Variants in SLC2A9 observed in about 807,000 individuals in gnomAD.
The protein encoded by SLC2A9 is solute carrier family 2 member 9.
Under a neutral mutation model 50.6 loss-of-function variants are expected in SLC2A9, and 39 were observed. That is an observed-to-expected ratio of 0.77 (90% CI 0.60 to 1.01). SLC2A9 has a LOEUF of 1.01. Among genes scored for constraint, SLC2A9 ranks in the 50% least tolerant of loss-of-function variants. The pLI, the probability that SLC2A9 is intolerant of heterozygous loss-of-function variation, is 0.00. For synonymous variants in SLC2A9, 324 were observed against 276.9 expected (o/e 1.17, Z -1.69); for missense variants, 686 against 677.6 (o/e 1.01, Z -0.14).
At chr4:9,785,398 C>A (rs534165911) in intron 3 of SLC2A9, among the ~76,000 whole-genome samples, 1 of 152,248 alleles carries the variant, frequency 6.6e-6, no homozygotes, top group Non-Finnish European at 1.5e-5. Flanking sequence ...GGAGAAGATT[C>A]TGTATCATTT....
chr4:9,927,136 T>C (rs936320689), intron 6 of SLC2A9, among the ~76,000 whole-genome samples: 1 of 151,992 alleles, frequency 6.6e-6, no homozygotes. Context: ...TTCAAGTGAT[T>C]CTTCTGCCTC....
At chr4:9,855,101 C>A (rs1338201087) in intron 10 of SLC2A9, among the ~76,000 whole-genome samples, 1 of 152,086 alleles carries the variant, frequency 6.6e-6, no homozygotes, top group Non-Finnish European at 1.5e-5. Flanking sequence ...TACTGGAAGT[C>A]CCAACTGGAA....
chr4:9,869,475 C>A (rs1733046877), intron 10 of SLC2A9, among the ~76,000 whole-genome samples: 1 of 152,166 alleles, frequency 6.6e-6, no homozygotes, highest in South Asian at 2.1e-4. Context: ...TCCTGTGCTC[C>A]TCCTTCCTCT....
At chr4:9,904,478 T>C (rs548762012) in intron 8 of SLC2A9, among the ~76,000 whole-genome samples, 3 of 152,294 alleles carry the variant, frequency 2.0e-5, no homozygotes, top group Non-Finnish European at 2.9e-5. Flanking sequence ...TGTGATAATA[T>C]TGGGCTCACC....
chr4:9,997,656 C>T (rs968004086), intron 2 of SLC2A9, among the ~76,000 whole-genome samples: 16 of 151,850 alleles, frequency 1.1e-4, no homozygotes, highest in African/African-American at 2.4e-4. Flanking sequence ...GCCAAGATTG[C>T]GCCATTGCAC....
intron 3 of SLC2A9, among the ~76,000 whole-genome samples, chr4:9,988,064 C>T (rs115814517): frequency 3.4e-3 from 512 of 152,372 alleles, no homozygotes; most frequent in African/African-American, 0.012. Context: ...AAGATCACTA[C>T]ATCTTGTCTT....
At chr4:9,785,868 A>G (rs1032092929) in intron 3 of SLC2A9, among the ~76,000 whole-genome samples, 1 of 152,170 alleles carries the variant, frequency 6.6e-6, no homozygotes, top group African/African-American at 2.4e-5. Flanking sequence ...GGTAATTGCT[A>G]TGTTGCAAAA....
intron 8 of SLC2A9, among the ~76,000 whole-genome samples, chr4:9,898,996 C>T (rs1373630840): frequency 4.9e-5 from 7 of 141,420 alleles, no homozygotes; most frequent in Non-Finnish European, 1.1e-4. Flanking sequence ...CTCCCTCCCT[C>T]CCCCTCTCTC....
rs762840334 is a variant in SLC2A9 at position 9,996,756 on chromosome 4, C to G, written c.410+25G>C. 1.9e-6 allele frequency: 3 copies of G among 1,612,124 alleles called. No homozygotes were observed. In the South Asian group the frequency reaches 3.3e-5, roughly 18 times the overall value. ...ATATTATGAACATGGAGGGCACCCCCAGATAGAGACAGCCTCCTACTGACC... is the reference window on the plus strand; with the variant it reads ...ATATTATGAACATGGAGGGCACCCCGAGATAGAGACAGCCTCCTACTGACC... On this transcript the variant is annotated intron_variant, in intron 3 of 11. Coordinates refer to ENST00000264784, the MANE Select transcript of SLC2A9 (RefSeq NM_020041.3).
At chr4:9,958,464 A>G (rs1256187809) in intron 5 of SLC2A9, among the ~76,000 whole-genome samples, 2 of 152,154 alleles carry the variant, frequency 1.3e-5, no homozygotes, top group Non-Finnish European at 2.9e-5. Flanking sequence ...GGACACAGGG[A>G]GGGGAACATC....
intron 3 of SLC2A9, among the ~76,000 whole-genome samples, chr4:9,793,550 T>A (rs375526781): frequency 7.9e-5 from 12 of 152,236 alleles, no homozygotes; most frequent in Admixed American, 3.9e-4. Context: ...TATTTGTGGA[T>A]TAAATACAGA....
At chr4:9,818,923 C>T (rs1348148507) in intron 3 of SLC2A9, among the ~76,000 whole-genome samples, 2 of 151,700 alleles carry the variant, frequency 1.3e-5, no homozygotes, top group East Asian at 3.9e-4. Flanking sequence ...GAGATCGAGA[C>T]CATCCTGGCT....
intron 5 of SLC2A9, among the ~76,000 whole-genome samples, chr4:9,966,684 A>C (rs1477098209): frequency 1.3e-5 from 2 of 152,212 alleles, no homozygotes; most frequent in Non-Finnish European, 2.9e-5. Flanking sequence ...AAACAATCCA[A>C]ATGTCCAGGA....
intron 6 of SLC2A9, among the ~76,000 whole-genome samples, chr4:9,921,409 C>T (rs1239526526): frequency 6.6e-6 from 1 of 152,158 alleles, no homozygotes; most frequent in Non-Finnish European, 1.5e-5. Context: ...TCATGGGGTG[C>T]ACTTTTGGAC....
intron 10 of SLC2A9, among the ~76,000 whole-genome samples, chr4:9,850,251 C>T (rs4697899): frequency 6.6e-6 from 1 of 152,042 alleles, no homozygotes; most frequent in Non-Finnish European, 1.5e-5. Flanking sequence ...TACCCCACAA[C>T]CCCCACAGAC....
In SLC2A9 at chr4:9,832,000, C is replaced by T. The variant is rs764438147; in HGVS notation, c.1419+2881G>A. Among the ~76,000 whole-genome samples, 5 of 152,188 alleles carry T rather than the reference C, an allele frequency of 3.3e-5. No individual in the cohort carries two copies. The East Asian group carries it at 7.7e-4, about 23-fold the overall frequency. On this transcript the variant is annotated intron_variant, in intron 11 of 11. Coordinates refer to ENST00000264784, the MANE Select transcript of SLC2A9 (RefSeq NM_020041.3). ...GAGAGGGGCCTCAGAAGAAATCAAC[C>T]GTGCTAAGCCCTTGAGCTCAGACTT... is the stretch of plus-strand genomic sequence containing the variant.
At chr4:9,899,334 A>T (rs1340833531) in intron 8 of SLC2A9, among the ~76,000 whole-genome samples, 1 of 152,270 alleles carries the variant, frequency 6.6e-6, no homozygotes, top group Non-Finnish European at 1.5e-5. Flanking sequence ...TCACTGACGC[A>T]GCTCCCTCTG....
chr4:9,856,329 G>A (rs373276330), intron 10 of SLC2A9, among the ~76,000 whole-genome samples: 124 of 152,254 alleles, frequency 8.1e-4, no homozygotes, highest in African/African-American at 2.7e-3. Flanking sequence ...CTTTTTAAAA[G>A]AAGACATACA....
chr4:9,886,424 CTGTGTGTGTGTGTGTGTGTGTGTGTG>C (rs59081583), intron 10 of SLC2A9, among the ~76,000 whole-genome samples: 6 of 135,584 alleles, frequency 4.4e-5, no homozygotes, highest in African/African-American at 8.1e-5. Flanking sequence ...CCTCATAGCA[CTGTGTGTGTGTGTGTGTGTGTGTGTG>C]TGTGTGTGTG....
Sources: allele counts gnomAD v4.1 joint callset (sites outside exome capture counted in the v4.1 genomes callset), GRCh38; gene constraint gnomAD v4.1.1; transcripts MANE v1.5; gene names NCBI Gene and HGNC (gene_info 2026-07-23, HGNC 2026-07-21).